GLRA3: variants seen among roughly 807,000 people sequenced by gnomAD.
The protein encoded by GLRA3 is glycine receptor alpha 3, also known as glycine receptor subunit alpha-3.
Under a neutral mutation model 60.4 loss-of-function variants are expected in GLRA3, and 44 were observed. The observed-to-expected ratio is 0.73, with a 90% confidence interval of 0.57 to 0.94. GLRA3 has a LOEUF of 0.94. Among genes scored for constraint, GLRA3 ranks in the 40% least tolerant of loss-of-function variants. The pLI is 0.00. For synonymous variants in GLRA3, 223 were observed against 192.9 expected, an observed-to-expected ratio of 1.16 and a Z score of -1.29; for missense variants, 508 against 564.6, an observed-to-expected ratio of 0.90 and a Z score of 1.02.
chr4:174,763,552 T>C (rs560546804), intron 3 of GLRA3, among the ~76,000 whole-genome samples: 1 of 152,360 alleles, frequency 6.6e-6, no homozygotes, highest in Admixed American at 6.5e-5. Flanking sequence ...AAAACCTTTC[T>C]TTGCATTTGC....
At chr4:174,809,708 G>A (rs1740187856) in intron 1 of GLRA3, among the ~76,000 whole-genome samples, 1 of 152,040 alleles carries the variant, frequency 6.6e-6, no homozygotes, top group Non-Finnish European at 1.5e-5. Flanking sequence ...ACTCCAGCCT[G>A]GGTGACAGAG....
intron 5 of GLRA3, among the ~76,000 whole-genome samples, chr4:174,696,644 T>C (rs549495320): frequency 6.6e-6 from 1 of 151,926 alleles, no homozygotes; most frequent in Non-Finnish European, 1.5e-5. Flanking sequence ...TCCATGAGAT[T>C]AGATAAAAAA....
chr4:174,720,647 T>C (rs2111109932), intron 4 of GLRA3, among the ~76,000 whole-genome samples: 1 of 152,246 alleles, frequency 6.6e-6, no homozygotes, highest in African/African-American at 2.4e-5. Flanking sequence ...ATCTGAGCCA[T>C]TTTCCAGGGT....
At position 174,715,532 on chromosome 4, in the gene GLRA3, T is replaced by C. The variant is rs768058426; in HGVS notation, c.530A>G (p.Asn177Ser). 1 of 1,562,356 alleles carries C rather than the reference T, an allele frequency of 6.4e-7. No homozygotes were observed. Among genetic ancestry groups the C allele is most frequent in the Non-Finnish European group, 8.8e-7 (1 of 1,136,700 alleles). Residue 177 changes from asparagine to serine, a missense_variant, in exon 5 of 10, where the codon AAT becomes AGT. Around this residue, in one of 3 missense-constraint regions of GLRA3, gnomAD observed 329 missense variants for 349.3 expected, o/e 0.94. Coordinates refer to ENST00000274093, the MANE Select transcript of GLRA3 (RefSeq NM_006529.4). The stretch of plus-strand genomic sequence containing the variant: ...ACATGTTTGTACATCCATGGGAAAA[T>C]TCTTGAGATCCATTGGACAGGAAAG... ...LTLSCPMDLKNFPMDVQTCIM... is the reference protein window; with the variant it reads ...LTLSCPMDLKSFPMDVQTCIM...
At chr4:174,789,283 T>C (rs923412863) in intron 1 of GLRA3, among the ~76,000 whole-genome samples, 1 of 152,246 alleles carries the variant, frequency 6.6e-6, no homozygotes, top group Non-Finnish European at 1.5e-5. Context: ...CTTATTGCTT[T>C]AGGTGTAAGA....
chr4:174,707,652 G>C (rs1217084459), intron 5 of GLRA3, among the ~76,000 whole-genome samples: 2 of 152,086 alleles, frequency 1.3e-5, no homozygotes, highest in Non-Finnish European at 2.9e-5. Flanking sequence ...TGAAATTACT[G>C]GGTGTGTTTA....
rs140576567 is a variant in GLRA3, at chr4:174,716,930, G to T, written c.492-1360C>A. 8.8e-3 allele frequency among the ~76,000 whole-genome samples: 1,335 copies of T among 152,164 alleles called. 21 individuals are homozygous for T. The highest frequency in any genetic ancestry group is 0.031 in the African/African-American group (1,269 of 41,500). ...ATTAAGAACTATTTAGCCAGGCGTG[G>T]TGTCTTACGCCTGTAATTCCAGCGC... On this transcript the variant is annotated intron_variant, in intron 4 of 9. Coordinates refer to ENST00000274093, the MANE Select transcript of GLRA3 (RefSeq NM_006529.4).
intron 1 of GLRA3, among the ~76,000 whole-genome samples, chr4:174,821,184 T>C (rs1374187123): frequency 6.6e-6 from 1 of 152,168 alleles, no homozygotes. Context: ...AATAAAATTA[T>C]GATATGACGT....
intron 4 of GLRA3, among the ~76,000 whole-genome samples, chr4:174,721,857 A>ATG (rs887922140): frequency 2.0e-5 from 2 of 97,814 alleles, no homozygotes; most frequent in East Asian, 5.9e-4. Context: ...GTGTATACAT[A>ATG]TGTGTGTGTA....
intron 9 of GLRA3, among the ~76,000 whole-genome samples, chr4:174,650,060 A>G (rs545473103): frequency 1.3e-5 from 2 of 152,296 alleles, no homozygotes; most frequent in African/African-American, 2.4e-5. Context: ...ACCTGTGACT[A>G]GGTACGGGTG....
intron 4 of GLRA3, among the ~76,000 whole-genome samples, chr4:174,717,831 A>C (rs1735982833): frequency 6.6e-6 from 1 of 152,212 alleles, no homozygotes; most frequent in Admixed American, 6.5e-5. Flanking sequence ...GCACACATAT[A>C]TTTTGAATGT....
At chr4:174,805,899 CT>C (rs1217818960) in intron 1 of GLRA3, among the ~76,000 whole-genome samples, 1 of 152,198 alleles carries the variant, frequency 6.6e-6, no homozygotes, top group East Asian at 1.9e-4. Flanking sequence ...ACTCTTCAAA[CT>C]TTTGTGTAAT....
intron 1 of GLRA3, among the ~76,000 whole-genome samples, chr4:174,816,373 C>T (rs957704038): frequency 6.6e-6 from 1 of 152,116 alleles, no homozygotes; most frequent in Non-Finnish European, 1.5e-5. Context: ...TATTGGAAAG[C>T]CCTGCCCCAG....
chr4:174,644,005 T>C lies in GLRA3; in HGVS notation c.1176A>G (p.Leu392=). 6.2e-7 allele frequency: 1 copy of C among 1,613,938 alleles called. No homozygotes were observed. The highest frequency in any genetic ancestry group is 8.5e-7 in the Non-Finnish European group (1 of 1,179,922). ...SFTAYGMGPC[L]QAKDGMTPKG... ...TTGGAGTCATGCCATCCTTTGCTTG[T>C]AGACATGGTCCCATTCCATAGGCTG... The change falls in exon 10 of 10, where the codon CTA becomes CTG. Residue 392 remains leucine (L), a synonymous_variant. Transcript: ENST00000274093.
chr4:174,642,090 T>C lies in GLRA3; in HGVS notation c.*1696A>G, dbSNP rs751296261. 1.3e-4 allele frequency: 115 copies of C among 880,544 alleles called. 2 individuals carry two copies. The Middle Eastern group carries it at 5.3e-3, about 40-fold the overall frequency. The allele number at this position is 880,544 out of a possible 1,614,324, so 54.5% of individuals were successfully genotyped here. A position where few individuals can be genotyped will look rare whatever the true frequency, so the allele number is the denominator to read the frequency against. ...GATATTATTTCCTTATAGTGTTGTT[T>C]TAAGTTACTTATAAAGGAGGGGAAC... On this transcript the variant is annotated 3_prime_UTR_variant, in exon 10 of 10. Transcript: ENST00000274093.
At chr4:174,716,460 G>T (rs1283290411) in intron 4 of GLRA3, among the ~76,000 whole-genome samples, 1 of 151,932 alleles carries the variant, frequency 6.6e-6, no homozygotes, top group African/African-American at 2.4e-5. Context: ...ATCTCTTCAG[G>T]GTAGTTTTTC....
At chr4:174,661,470 C>A (rs1294570676) in intron 7 of GLRA3, among the ~76,000 whole-genome samples, 1 of 152,144 alleles carries the variant, frequency 6.6e-6, no homozygotes, top group Non-Finnish European at 1.5e-5. Context: ...ATGGTAGAAC[C>A]AGATACTGTG....
At chr4:174,671,541 A>C (rs981691927) in intron 7 of GLRA3, among the ~76,000 whole-genome samples, 2 of 152,252 alleles carry the variant, frequency 1.3e-5, no homozygotes, top group African/African-American at 4.8e-5. Context: ...TGTTCAAAAA[A>C]TGTATCAGTT....
intron 3 of GLRA3, among the ~76,000 whole-genome samples, chr4:174,751,386 A>G (rs1737479506): frequency 6.6e-6 from 1 of 152,180 alleles, no homozygotes; most frequent in African/African-American, 2.4e-5. Flanking sequence ...GCAGAAAAAG[A>G]AAGTAATATG....
Sources: allele counts gnomAD v4.1 joint callset (sites outside exome capture counted in the v4.1 genomes callset), GRCh38; gene constraint gnomAD v4.1.1; regional missense constraint gnomAD v4.1.1; transcripts MANE v1.5; gene names NCBI Gene and HGNC (gene_info 2026-07-23, HGNC 2026-07-21).